LRRC63: variants seen among roughly 807,000 people sequenced by gnomAD.
The protein encoded by LRRC63 is leucine rich repeat containing 63.
In LRRC63, 40 loss-of-function variants were observed where a neutral mutation model predicts 49.5. The observed-to-expected ratio is 0.81, with a 90% confidence interval of 0.63 to 1.05. The LOEUF is 1.05. Ranked by LOEUF, LRRC63 falls within the 50% of genes least tolerant of loss-of-function variation. The pLI, the probability that LRRC63 is intolerant of heterozygous loss-of-function variation, is 0.00. For synonymous variants in LRRC63, 191 were observed against 221.1 expected (o/e 0.86, Z 1.21); for missense variants, 636 against 663.1 (o/e 0.96, Z 0.45).
exon 10 of LRRC63, chr13:46,276,828 G>GTGTGTATATATATATATATATATATA (rs1175818781): frequency 6.5e-5 from 9 of 138,520 alleles, no homozygotes; most frequent in African/African-American, 2.8e-4. Flanking sequence ...GTATGTGTGT[G>GTGTGTATATATATATATATATATATA]TATATATATA....
chr13:46,265,036 T>G (rs112146541), intron 8 of LRRC63, among the ~76,000 whole-genome samples: 14,511 of 152,030 alleles, frequency 0.095, 1,193 homozygotes, highest in African/African-American at 0.22. Flanking sequence ...GGTGGATGCC[T>G]GTAATCCCAG....
At chr13:46,219,638 C>T (rs2046348498) in intron 2 of LRRC63, among the ~76,000 whole-genome samples, 1 of 152,142 alleles carries the variant, frequency 6.6e-6, no homozygotes, top group Non-Finnish European at 1.5e-5. Context: ...AGTTTTGTTT[C>T]CTTGCTGGCA....
At chr13:46,270,697 A>T in intron 9 of LRRC63, 1 of 657,142 alleles carries the variant, frequency 1.5e-6, no homozygotes, top group Non-Finnish European at 2.8e-6. Context: ...AAAGGAGAAG[A>T]ACCAGTATCT....
At chr13:46,257,264 G>C (rs757186597) in intron 7 of LRRC63, among the ~76,000 whole-genome samples, 1 of 152,314 alleles carries the variant, frequency 6.6e-6, no homozygotes, top group South Asian at 2.1e-4. Flanking sequence ...TCTGCCAACA[G>C]CCTGCATGAG....
chr13:46,222,954 C>T (rs2046449304), intron 2 of LRRC63, among the ~76,000 whole-genome samples: 1 of 150,272 alleles, frequency 6.7e-6, no homozygotes, highest in Admixed American at 6.7e-5. Flanking sequence ...AGTAAACTAT[C>T]ACAAGGACAA....
chr13:46,222,653 C>T (rs1016459710), intron 2 of LRRC63, among the ~76,000 whole-genome samples: 10 of 151,786 alleles, frequency 6.6e-5, no homozygotes, highest in African/African-American at 1.2e-4. Context: ...GTCAGTGTGG[C>T]GATTCCTCAG....
At chr13:46,267,951 C>T (rs2047704693) in intron 9 of LRRC63, among the ~76,000 whole-genome samples, 1 of 151,958 alleles carries the variant, frequency 6.6e-6, no homozygotes, top group Admixed American at 6.6e-5. Context: ...CTAACTCTCC[C>T]AGCAGAAAAA....
Position 46,252,717 on chromosome 13 carries a change from A to G in LRRC63, c.1226+2226A>G, listed in dbSNP as rs546298838. 1.1e-4 allele frequency among the ~76,000 whole-genome samples: 17 copies of G among 152,228 alleles called. No individual in the cohort carries two copies. In the South Asian group the frequency reaches 1.7e-3, roughly 15 times the overall value. ...TTAAACAGGAGAGACAACAAAGGATAGTTGGGCCAATGATAGGGTGGATAT... is the reference window on the plus strand; with the variant it reads ...TTAAACAGGAGAGACAACAAAGGATGGTTGGGCCAATGATAGGGTGGATAT... On this transcript the variant is annotated intron_variant, in intron 7 of 9. Coordinates refer to ENST00000595396, the Ensembl canonical transcript of LRRC63.
At chr13:46,213,871 C>G (rs2046168952) in intron 2 of LRRC63, among the ~76,000 whole-genome samples, 1 of 152,130 alleles carries the variant, frequency 6.6e-6, no homozygotes, top group Admixed American at 6.5e-5. Context: ...GTTTGTAGAA[C>G]AGAACTACTG....
At chr13:46,232,341 C>T (rs2046787915) in intron 4 of LRRC63, among the ~76,000 whole-genome samples, 1 of 152,194 alleles carries the variant, frequency 6.6e-6, no homozygotes, top group African/African-American at 2.4e-5. Context: ...TAATTGTAAG[C>T]TGTGAATGTA....
intron 9 of LRRC63, among the ~76,000 whole-genome samples, chr13:46,268,767 A>G (rs2047715645): frequency 6.6e-6 from 1 of 151,732 alleles, no homozygotes; most frequent in Non-Finnish European, 1.5e-5. Flanking sequence ...TCTGAGAGGC[A>G]AGAAGGAATG....
intron 2 of LRRC63, among the ~76,000 whole-genome samples, chr13:46,223,641 G>A (rs1157825304): frequency 6.6e-6 from 1 of 152,002 alleles, no homozygotes; most frequent in African/African-American, 2.4e-5. Flanking sequence ...GGATCACAAG[G>A]TCAGGAGTTC....
intron 9 of LRRC63, among the ~76,000 whole-genome samples, chr13:46,273,980 T>C (rs1314078763): frequency 6.6e-6 from 1 of 151,726 alleles, no homozygotes; most frequent in African/African-American, 2.4e-5. Context: ...TAGTTGTCCA[T>C]TGGAGATCAC....
chr13:46,261,054 T>TC (rs1480373675), intron 7 of LRRC63, among the ~76,000 whole-genome samples: 1 of 152,184 alleles, frequency 6.6e-6, no homozygotes, highest in Non-Finnish European at 1.5e-5. Context: ...ATTCCAGTCT[T>TC]CAAGAAGCAA....
intron 9 of LRRC63, among the ~76,000 whole-genome samples, chr13:46,271,919 TAACTA>T (rs1215178904): frequency 1.3e-5 from 2 of 152,020 alleles, no homozygotes; most frequent in Non-Finnish European, 2.9e-5. Context: ...CAGTAAGAGA[TAACTA>T]ATAATAACTA....
At chr13:46,267,036 A>G in intron 9 of LRRC63, 64 bp downstream of exon 9, 1 of 1,416,562 alleles carries the variant, frequency 7.1e-7, no homozygotes, top group Non-Finnish European at 9.3e-7. Flanking sequence ...GTTCTTCATT[A>G]CAGGCTTAGA....
At chr13:46,248,271 TG>T (rs1356721630) in intron 6 of LRRC63, among the ~76,000 whole-genome samples, 1 of 152,006 alleles carries the variant, frequency 6.6e-6, no homozygotes, top group Non-Finnish European at 1.5e-5. Flanking sequence ...AATCCAATCA[TG>T]TCAATAATAA....
chr13:46,219,240 A>G (rs183676930), intron 2 of LRRC63, among the ~76,000 whole-genome samples: 5 of 152,344 alleles, frequency 3.3e-5, no homozygotes. Flanking sequence ...AGGTACACCA[A>G]TCAAATGTAG....
chr13:46,264,437 T>TTTATTTAGTTAG (rs1555329619), intron 8 of LRRC63, among the ~76,000 whole-genome samples: 3 of 151,400 alleles, frequency 2.0e-5, no homozygotes, highest in African/African-American at 4.9e-5. Context: ...TATTTATTTA[T>TTTATTTAGTTAG]TTAGTTAGTT....
Sources: allele counts gnomAD v4.1 joint callset (sites outside exome capture counted in the v4.1 genomes callset), GRCh38; gene constraint gnomAD v4.1.1; transcripts MANE v1.5; gene names NCBI Gene and HGNC (gene_info 2026-07-23, HGNC 2026-07-21).